The following CCS variants were observed in gnomAD, a reference collection of about 807,000 sequenced individuals.
The protein encoded by CCS is superoxide dismutase copper chaperone.
A neutral mutation model predicts 35.5 loss-of-function variants in CCS; 32 were observed. The ratio of observed to expected loss-of-function variants is 0.90; its 90% CI spans 0.68 to 1.21. The LOEUF is 1.21. Among genes scored for constraint, CCS ranks in the 50% most tolerant of loss-of-function variants. The probability of loss-of-function intolerance (pLI) is 0.00; values close to 1 mark genes in which losing one functional copy is unlikely to be tolerated. For synonymous variants in CCS, 130 were observed against 147.2 expected (o/e 0.88, Z 0.84); for missense variants, 342 against 375.4 (o/e 0.91, Z 0.73).
At chr11:66,597,948 A>G (rs1858506910) in intron 2 of CCS, among the ~76,000 whole-genome samples, 1 of 150,572 alleles carries the variant, frequency 6.6e-6, no homozygotes, top group African/African-American at 2.5e-5. Context: ...TAATTCATGT[A>G]CTATAAAAAT....
intron 2 of CCS, among the ~76,000 whole-genome samples, chr11:66,596,286 C>T (rs1858474973): frequency 6.6e-6 from 1 of 152,016 alleles, no homozygotes; most frequent in Non-Finnish European, 1.5e-5. Context: ...AGGCTAGTAT[C>T]GAACTCCTGG....
At chr11:66,604,789 G>C (rs1858627947) in intron 5 of CCS, among the ~76,000 whole-genome samples, 2 of 152,218 alleles carry the variant, frequency 1.3e-5, no homozygotes, top group African/African-American at 4.8e-5. Flanking sequence ...CGAGGGGCTA[G>C]GACAGGCCCT....
chr11:66,603,674 G>T (rs1265351712), intron 5 of CCS, among the ~76,000 whole-genome samples: 2 of 152,150 alleles, frequency 1.3e-5, no homozygotes, highest in South Asian at 4.1e-4. Context: ...GTGAAACCCC[G>T]TCTCTACTAA....
intron 2 of CCS, among the ~76,000 whole-genome samples, chr11:66,595,661 G>C (rs1403151695): frequency 1.3e-5 from 2 of 152,200 alleles, no homozygotes; most frequent in Middle Eastern, 3.4e-3. Flanking sequence ...ACTTGCCCTG[G>C]TGTTCTCTGT....
chr11:66,599,001 G>A (rs1858526208), intron 2 of CCS, 115 bp from the exon 3 acceptor site: 1 of 1,306,400 alleles, frequency 7.7e-7, no homozygotes, highest in Non-Finnish European at 1.1e-6. Flanking sequence ...GCTTGCCTCT[G>A]ACCATGGGAA....
chr11:66,604,019 A>T (rs1858612027), intron 5 of CCS, among the ~76,000 whole-genome samples: 1 of 151,166 alleles, frequency 6.6e-6, no homozygotes, highest in Non-Finnish European at 1.5e-5. Flanking sequence ...ACAGAGTGAG[A>T]CTCTGTCTCA....
intron 5 of CCS, among the ~76,000 whole-genome samples, chr11:66,603,947 A>G (rs758539433): frequency 4.0e-5 from 6 of 151,350 alleles, no homozygotes; most frequent in Non-Finnish European, 8.8e-5. Context: ...GAATTGCTTG[A>G]ACCTGGGGGG....
intron 2 of CCS, among the ~76,000 whole-genome samples, chr11:66,596,444 A>G (rs968836199): frequency 3.3e-5 from 5 of 149,908 alleles, no homozygotes; most frequent in Admixed American, 1.3e-4. Context: ...CAGTGGCGCA[A>G]TCTCGGCTCA....
intron 4 of CCS, 63 bp downstream of exon 4, chr11:66,599,699 C>G: frequency 6.8e-7 from 1 of 1,475,252 alleles, no homozygotes; most frequent in Non-Finnish European, 9.3e-7. Flanking sequence ...TGGGCCCTCA[C>G]CAATACTCTG....
intron 5 of CCS, among the ~76,000 whole-genome samples, chr11:66,604,418 G>A (rs1290457038): frequency 6.6e-6 from 1 of 152,154 alleles, no homozygotes; most frequent in East Asian, 1.9e-4. Context: ...TCAGTTGGTG[G>A]CACAGTGAGA....
intron 6 of CCS, 31 bp from the exon 7 acceptor site, chr11:66,605,458 C>T: frequency 9.3e-6 from 15 of 1,613,684 alleles, no homozygotes; most frequent in Non-Finnish European, 1.3e-5. Context: ...TAACAGGGTC[C>T]ATCATCTGAA....
At chr11:66,603,800 C>G (rs910724180) in intron 5 of CCS, among the ~76,000 whole-genome samples, 1 of 151,906 alleles carries the variant, frequency 6.6e-6, no homozygotes, top group African/African-American at 2.4e-5. Context: ...GAGCCGAGGT[C>G]GCGCCACTGC....
At chr11:66,593,495 A>C (rs1565321358) in intron 1 of CCS, 147 bp from the exon 2 acceptor site, 1 of 966,018 alleles carries the variant, frequency 1.0e-6, no homozygotes. Flanking sequence ...TGGAATGGTC[A>C]TGAGAGATCA....
Position 66,600,531 on chromosome 11 carries a change from C to A in CCS, c.471C>A (p.Gly157=). ...HFNPDGASHG[G]PQDSDRHRGD... is the part of the protein sequence containing the mutation. ...ACCCTGATGGAGCATCTCATGGGGG[C>A]CCCCAGGACTCTGACCGGGTAAGTG... Residue 157 remains glycine, a synonymous_variant, in exon 5 of 8, where the codon GGC becomes GGA. Transcript: ENST00000533244. 3 of 1,524,362 alleles carry A rather than the reference C, an allele frequency of 2.0e-6. No homozygotes were observed. The highest frequency in any genetic ancestry group is 2.7e-6 in the Non-Finnish European group (3 of 1,129,276). The allele number at this position is 1,524,362 out of a possible 1,614,324, so 94.4% of individuals were successfully genotyped here.
In CCS at chr11:66,605,433, G is replaced by A. The variant is rs899373175; in HGVS notation, c.567+17G>A. On this transcript the variant is annotated intron_variant, in intron 6 of 7. Coordinates refer to ENST00000533244, the MANE Select transcript of CCS (RefSeq NM_005125.2). ...CAGCTGAAGGTAAGGTGGAAAAGAA[G>A]GTGGGCACCCTTCCTAACAGGGTCC... is the stretch of plus-strand genomic sequence containing the variant. 13 of 1,613,952 alleles carry A rather than the reference G, an allele frequency of 8.1e-6. No homozygotes were observed. Among genetic ancestry groups the A allele is most frequent in the Middle Eastern group, 1.6e-4 (1 of 6,084 alleles).
chr11:66,598,993 T>G, intron 2 of CCS, 123 bp from the exon 3 acceptor site: 1 of 1,145,420 alleles, frequency 8.7e-7, no homozygotes, highest in Non-Finnish European at 1.3e-6. Flanking sequence ...ACGAAGTAGC[T>G]TGCCTCTGAC....
At chr11:66,598,299 CGA>C (rs926091890) in intron 2 of CCS, among the ~76,000 whole-genome samples, 30 of 150,908 alleles carry the variant, frequency 2.0e-4, no homozygotes, top group Non-Finnish European at 3.5e-4. Context: ...GTCAGGAGTT[CGA>C]GAGCAGCCTG....
Position 66,605,700 on chromosome 11 carries a change from A to G in CCS, c.672-2A>G, listed in dbSNP as rs776100556. 1 of 1,579,410 alleles carries G rather than the reference A, an allele frequency of 6.3e-7. No homozygotes were observed. The highest frequency in any genetic ancestry group is 1.2e-5 in the South Asian group (1 of 86,904). The stretch of plus-strand genomic sequence containing the variant: ...CACCCCTGACCACACATTCTTCTGC[A>G]GGTTGGCCTGTGGCATCATTGCACG... On this transcript the variant is annotated splice_acceptor_variant, in intron 7 of 7. Transcript: ENST00000533244. LOFTEE classifies it high-confidence loss of function.
intron 4 of CCS, chr11:66,600,202 G>A (rs1272925013): frequency 3.3e-6 from 1 of 301,046 alleles, no homozygotes; most frequent in Non-Finnish European, 6.1e-6. Context: ...AGATGGAAGG[G>A]GACTTCTGGA....
Sources: allele counts gnomAD v4.1 joint callset (sites outside exome capture counted in the v4.1 genomes callset), GRCh38; gene constraint gnomAD v4.1.1; transcripts MANE v1.5; gene names NCBI Gene and HGNC (gene_info 2026-07-23, HGNC 2026-07-21).